IL1RAPL2: variants seen among roughly 807,000 people sequenced by gnomAD.
IL1RAPL2 encodes interleukin 1 receptor accessory protein like 2.
IL1RAPL2 carries 3 observed loss-of-function variants against 44.1 expected under a neutral mutation model. The observed-to-expected ratio is 0.07, with a 90% CI of 0.03 to 0.18. The LOEUF (loss-of-function observed/expected upper bound fraction) is 0.18. Ranked by LOEUF, IL1RAPL2 falls within the 10% of genes least tolerant of loss-of-function variation. IL1RAPL2 has a pLI of 1.00. For synonymous variants in IL1RAPL2, 181 were observed against 178.8 expected (o/e 1.01, Z -0.10); for missense variants, 391 against 496.4 (o/e 0.79, Z 2.02).
At chrX:104,932,051 G>A (rs939114989) in intron 2 of IL1RAPL2, among the ~76,000 whole-genome samples, 3 of 102,903 alleles carry the variant, frequency 2.9e-5, no homozygotes, top group Non-Finnish European at 3.9e-5. Flanking sequence ...GAGTGCAATG[G>A]CGTGATCTCG....
chrX:104,971,042 A>G (rs1002491866), intron 2 of IL1RAPL2, among the ~76,000 whole-genome samples: 12 of 112,133 alleles, frequency 1.1e-4, no homozygotes, highest in Non-Finnish European at 2.3e-4. Flanking sequence ...AGTAATAACA[A>G]GACAGCTATT....
At chrX:105,697,293 C>CAA (rs1308596758) in intron 6 of IL1RAPL2, among the ~76,000 whole-genome samples, 832 of 76,909 alleles carry the variant, frequency 0.011, 12 homozygotes, top group South Asian at 0.078. Flanking sequence ...CAACATAGCT[C>CAA]AAAAAAAAAA....
At chrX:104,914,913 G>T (rs1924366555) in intron 2 of IL1RAPL2, among the ~76,000 whole-genome samples, 1 of 111,671 alleles carries the variant, frequency 9.0e-6, no homozygotes, top group African/African-American at 3.3e-5. Flanking sequence ...TTTTATGGCT[G>T]CATAGTATTC....
chrX:105,538,362 C>G (rs2036695025), intron 6 of IL1RAPL2, among the ~76,000 whole-genome samples: 1 of 110,000 alleles, frequency 9.1e-6, no homozygotes, highest in African/African-American at 3.3e-5. Context: ...TTGGATCATT[C>G]CCATCAACAT....
intron 2 of IL1RAPL2, among the ~76,000 whole-genome samples, chrX:105,085,965 G>A (rs889689943): frequency 1.8e-5 from 2 of 111,482 alleles, no homozygotes; most frequent in African/African-American, 6.5e-5. Context: ...TCTCATCCTG[G>A]TCATCTTTAC....
rs1228574399 is a variant in IL1RAPL2 at position 105,388,136 on chromosome X, G to A, written c.698-96177G>A. ...GCACTCCAGCCTGGGCAACAAGAGC[G>A]AAACTCCATCTCAAAAAAAAAAAAA... is the stretch of plus-strand genomic sequence containing the variant. On this transcript the variant is annotated intron_variant, in intron 5 of 10. Transcript: ENST00000372582. Among the ~76,000 whole-genome samples the A allele has an allele frequency of 3.7e-3, 130 of 35,009 alleles. 1 individual carries two copies. Among genetic ancestry groups the A allele is most frequent in the Admixed American group, 0.016 (32 of 1,982 alleles). The allele number at this position is 35,009 out of a possible 115,157, so 30.4% of individuals were successfully genotyped here.
intron 5 of IL1RAPL2, among the ~76,000 whole-genome samples, chrX:105,384,706 G>C (rs2035463390): frequency 9.0e-6 from 1 of 110,912 alleles, no homozygotes; most frequent in Non-Finnish European, 1.9e-5. Context: ...GGGTAGTATG[G>C]ACACTTTAAC....
intron 2 of IL1RAPL2, among the ~76,000 whole-genome samples, chrX:105,107,071 C>A (rs1421612036): frequency 1.8e-5 from 2 of 112,335 alleles, no homozygotes; most frequent in Non-Finnish European, 3.8e-5. Flanking sequence ...ATCTCTTTCT[C>A]TTTATCACAT....
chrX:105,114,472 CTT>C (rs2032832697), intron 2 of IL1RAPL2, among the ~76,000 whole-genome samples: 1 of 111,967 alleles, frequency 8.9e-6, no homozygotes, highest in Non-Finnish European at 1.9e-5. Flanking sequence ...AGGAGCCACT[CTT>C]TGAGTCAGGC....
chrX:104,654,983 T>C lies in IL1RAPL2; in HGVS notation c.-19-3912T>C, dbSNP rs1020523222. 2.7e-5 allele frequency among the ~76,000 whole-genome samples: 3 copies of C among 111,403 alleles called. No homozygotes were observed. In the Admixed American group the frequency reaches 2.9e-4, roughly 11 times the overall value. Reference sequence around the variant, plus strand: ...GATTTGGCTCTCTGTTTGTCTGTTATTGGTGTATAGGAATGTTTGTGATTT... The same window carrying C: ...GATTTGGCTCTCTGTTTGTCTGTTACTGGTGTATAGGAATGTTTGTGATTT... On this transcript the variant is annotated intron_variant, in intron 1 of 10. Transcript: ENST00000372582.
chrX:105,459,476 A>G (rs1211056615), intron 5 of IL1RAPL2, among the ~76,000 whole-genome samples: 2 of 111,323 alleles, frequency 1.8e-5, no homozygotes, highest in African/African-American at 6.5e-5. Flanking sequence ...AAGGTCAGCT[A>G]CCTTTTTCCT....
At chrX:105,626,946 G>A (rs1270884389) in intron 6 of IL1RAPL2, among the ~76,000 whole-genome samples, 2 of 111,380 alleles carry the variant, frequency 1.8e-5, no homozygotes, top group Non-Finnish European at 3.8e-5. Context: ...GATTCAGTTG[G>A]TATGTGGTGT....
chrX:105,305,164 C>G (rs1471222290), intron 5 of IL1RAPL2, among the ~76,000 whole-genome samples: 1 of 111,490 alleles, frequency 9.0e-6, no homozygotes, highest in East Asian at 2.8e-4. Context: ...AGTATTACAT[C>G]TTAACATGAG....
intron 6 of IL1RAPL2, among the ~76,000 whole-genome samples, chrX:105,495,072 A>G (rs912698725): frequency 8.9e-6 from 1 of 112,639 alleles, no homozygotes; most frequent in Non-Finnish European, 1.9e-5. Context: ...AAGCCATCAC[A>G]AATCAGGCAA....
intron 2 of IL1RAPL2, among the ~76,000 whole-genome samples, chrX:104,734,090 G>A (rs1931970957): frequency 8.9e-6 from 1 of 111,880 alleles, no homozygotes. Context: ...AAGCCATGAT[G>A]GGATGTCACT....
Position 104,855,681 on chromosome X carries a change from G to GTGTTTT in IL1RAPL2, c.82+196687_82+196688insGTTTTT. On this transcript the variant is annotated intron_variant, in intron 2 of 10. Coordinates refer to ENST00000372582, the MANE Select transcript of IL1RAPL2 (RefSeq NM_017416.2). Reference sequence around the variant, plus strand: ...TTAACTGTGCTAAGGATCTGGATCCGTTTTTTTTTTTTTTTTTACTGTATC... The same window carrying GTGTTTT: ...TTAACTGTGCTAAGGATCTGGATCCGTGTTTTTTTTTTTTTTTTTTTTTACTGTATC... Among the ~76,000 whole-genome samples the GTGTTTT allele has an allele frequency of 1.0e-3, 54 of 53,865 alleles. 7 individuals carry two copies. The highest frequency in any genetic ancestry group is 6.5e-3 in the East Asian group (11 of 1,703). The allele number at this position is 53,865 out of a possible 115,157, so 46.8% of individuals were successfully genotyped here. A position where few individuals can be genotyped will look rare whatever the true frequency, so the allele number is the denominator to read the frequency against.
chrX:105,440,412 T>C (rs1204243699), intron 5 of IL1RAPL2, among the ~76,000 whole-genome samples: 1 of 112,124 alleles, frequency 8.9e-6, no homozygotes, highest in Non-Finnish European at 1.9e-5. Context: ...TTTATACAAG[T>C]GGATTCATTC....
chrX:104,946,670 G>A (rs1925382290), intron 2 of IL1RAPL2, among the ~76,000 whole-genome samples: 1 of 99,379 alleles, frequency 1.0e-5, no homozygotes, highest in South Asian at 5.1e-4. Context: ...GCGGTGTTTG[G>A]TTTTTAGTTC....
At chrX:105,708,004 C>T (rs1325094375) in intron 6 of IL1RAPL2, among the ~76,000 whole-genome samples, 1 of 110,273 alleles carries the variant, frequency 9.1e-6, no homozygotes, top group Non-Finnish European at 1.9e-5. Flanking sequence ...AATGGCAAGA[C>T]CAGAGGGATT....
Sources: allele counts gnomAD v4.1 joint callset (sites outside exome capture counted in the v4.1 genomes callset), GRCh38; gene constraint gnomAD v4.1.1; transcripts MANE v1.5; gene names NCBI Gene and HGNC (gene_info 2026-07-23, HGNC 2026-07-21).